Variants in CNP observed in about 807,000 individuals in gnomAD.
CNP encodes 2',3'-cyclic-nucleotide 3'-phosphodiesterase.
Under a neutral mutation model 37.9 loss-of-function variants are expected in CNP, and 8 were observed. The observed-to-expected ratio is 0.21, with a 90% CI of 0.12 to 0.38. The LOEUF is 0.38. CNP is among the 10% of genes least tolerant of loss of function. The pLI is 1.00. For synonymous variants in CNP, 237 were observed against 238.3 expected, an observed-to-expected ratio of 0.99 and a Z score of 0.05; for missense variants, 457 against 551.0, an observed-to-expected ratio of 0.83 and a Z score of 1.71.
At chr17:41,967,669 T>TC (rs1265771297) in intron 1 of CNP, 12 of 1,029,020 alleles carry the variant, frequency 1.2e-5, no homozygotes, top group South Asian at 3.9e-5. Context: ...CCTTCTCCAC[T>TC]CCCCCCCTTC....
In CNP at chr17:41,973,812, C is replaced by T. The variant is rs782456858; in HGVS notation, c.1154C>T (p.Ala385Val). 6 of 1,612,026 alleles carry T rather than the reference C, an allele frequency of 3.7e-6. No homozygotes were observed. The highest frequency in any genetic ancestry group is 2.2e-5 in the East Asian group (1 of 44,802). ...LGNGRWMLTL[A>V]KNMEVRAIFT... ...AATGGGCGCTGGATGCTGACCCTGG[C>T]CAAGAACATGGAGGTCAGGGCCATC... The change falls in exon 4 of 4, where the codon GCC becomes GTC. Residue 385 changes from alanine to valine, a missense_variant. This residue lies in a region of CNP where 291 missense variants were observed against 291.7 expected (regional missense o/e 1.00). Transcript: ENST00000393892.
chr17:41,977,697 C>A lies in CNP; in HGVS notation c.*3773C>A. 6.0e-6 allele frequency: 1 copy of A among 167,036 alleles called. No homozygotes were observed. Among genetic ancestry groups the A allele is most frequent in the East Asian group, 1.7e-4 (1 of 5,872 alleles). The allele number at this position is 167,036 out of a possible 1,614,324, so 10.3% of individuals were successfully genotyped here. A position where few individuals can be genotyped will look rare whatever the true frequency, so the allele number is the denominator to read the frequency against. On this transcript the variant is annotated 3_prime_UTR_variant, in exon 4 of 4. Transcript: ENST00000393892. ...GGCTACTAAAAAGGATAAAATGTATCACTTAAATGTTACCAAAAATAAATA... is the reference window on the plus strand; with the variant it reads ...GGCTACTAAAAAGGATAAAATGTATAACTTAAATGTTACCAAAAATAAATA...
chr17:41,972,343 C>T (rs2051002428), intron 3 of CNP, among the ~76,000 whole-genome samples: 1 of 152,070 alleles, frequency 6.6e-6, no homozygotes, highest in South Asian at 2.1e-4. Flanking sequence ...TCTCTCTGAG[C>T]CTGTTTTACC....
In CNP at chr17:41,975,445, C is replaced by G. The variant is rs143266495; in HGVS notation, c.*1521C>G. 12 of 152,774 alleles carry G rather than the reference C, an allele frequency of 7.9e-5. No individual in the cohort carries two copies. The highest frequency in any genetic ancestry group is 2.9e-4 in the African/African-American group (12 of 41,564). The allele number at this position is 152,774 out of a possible 1,614,324, so 9.5% of individuals were successfully genotyped here. On this transcript the variant is annotated 3_prime_UTR_variant, in exon 4 of 4. Transcript: ENST00000393892. The stretch of plus-strand genomic sequence containing the variant: ...CAAAAGCCTCTCATCCCCCATTAAC[C>G]AGGGCACCAAGCCCACAGGTGTCCC...
chr17:41,976,908 G>GA lies in CNP; in HGVS notation c.*2984_*2985insA. ...AACTCTATGGGTATCAAACAGCTCA[G>GA]GCTGTTTTTGGGTGCAAGAGGGAGC... On this transcript the variant is annotated 3_prime_UTR_variant, in exon 4 of 4. Transcript: ENST00000393892. The GA allele has an allele frequency of 1.8e-6, 2 of 1,111,776 alleles. No individual in the cohort carries two copies. Among genetic ancestry groups the GA allele is most frequent in the Non-Finnish European group, 2.5e-6 (2 of 788,044 alleles). 68.9% of individuals were successfully genotyped at this position (1,111,776 alleles called of 1,614,324 possible).
Position 41,966,799 on chromosome 17 carries a change from C to T in CNP, c.-86C>T, listed in dbSNP as rs1241361450. On this transcript the variant is annotated 5_prime_UTR_variant, in exon 1 of 4. Coordinates refer to ENST00000393892, the MANE Select transcript of CNP (RefSeq NM_033133.5). ...CGGCCGGGCTCGGGTCGTGCCACCG[C>T]TGGACTCCCGTGTCCCTCCGCGCAG... 3.0e-6 allele frequency: 4 copies of T among 1,352,788 alleles called. No homozygotes were observed. Among genetic ancestry groups the T allele is most frequent in the Non-Finnish European group, 3.8e-6 (4 of 1,052,224 alleles). 83.8% of individuals were successfully genotyped at this position (1,352,788 alleles called of 1,614,324 possible). A position where few individuals can be genotyped will look rare whatever the true frequency, so the allele number is the denominator to read the frequency against.
rs782506550 is a variant in CNP at position 41,976,779 on chromosome 17, G to GA, written c.*2859dup. 13 of 1,609,708 alleles carry GA rather than the reference G, an allele frequency of 8.1e-6. No homozygotes were observed. Among genetic ancestry groups the GA allele is most frequent in the Non-Finnish European group, 1.1e-5 (13 of 1,179,084 alleles). On this transcript the variant is annotated 3_prime_UTR_variant, in exon 4 of 4. Transcript: ENST00000393892. ...ATTCCCTGGACCAGATGCTGAAAGA[G>GA]AAAAGAGGGGTTGGTAGTTGGCTAT...
Position 41,968,869 on chromosome 17 carries a change from G to C in CNP, c.676+129G>C. On this transcript the variant is annotated intron_variant, in intron 2 of 3. Transcript: ENST00000393892. The surrounding 1 kb of genome is among the most constrained non-coding windows in gnomAD (Gnocchi z 4.8). ...AGGCAGAGAGAGGCTCACCTCAGCGGGGGCAGGGGCAAGCGGTGCGTCCCA... is the reference window on the plus strand; with the variant it reads ...AGGCAGAGAGAGGCTCACCTCAGCGCGGGCAGGGGCAAGCGGTGCGTCCCA... 1.8e-6 allele frequency: 2 copies of C among 1,110,688 alleles called. No homozygotes were observed. The highest frequency in any genetic ancestry group is 5.7e-5 in the Admixed American group (2 of 35,172). 68.8% of individuals were successfully genotyped at this position (1,110,688 alleles called of 1,614,324 possible).
intron 1 of CNP, 98 bp from the exon 2 acceptor site, chr17:41,967,970 C>T: frequency 1.3e-6 from 2 of 1,522,340 alleles, no homozygotes; most frequent in Non-Finnish European, 1.8e-6. Context: ...CACTGCCCCG[C>T]TTGGGAAGGC....
At position 41,966,837 on chromosome 17, in the gene CNP, G is replaced by T; in HGVS notation, c.-48G>T. The T allele has an allele frequency of 7.3e-7, 1 of 1,376,090 alleles. No individual in the cohort carries two copies. Among genetic ancestry groups the T allele is most frequent in the Non-Finnish European group, 9.4e-7 (1 of 1,066,438 alleles). The allele number at this position is 1,376,090 out of a possible 1,614,324, so 85.2% of individuals were successfully genotyped here. On this transcript the variant is annotated 5_prime_UTR_variant, in exon 1 of 4. Coordinates refer to ENST00000393892, the MANE Select transcript of CNP (RefSeq NM_033133.5). ...TCCCTCCGCGCAGGCGGGCGGCCCCGGAGCGCTGGTGCCGGCAGAGGCGGC... is the reference window on the plus strand; with the variant it reads ...TCCCTCCGCGCAGGCGGGCGGCCCCTGAGCGCTGGTGCCGGCAGAGGCGGC...
rs2229932 is a variant in CNP at position 41,973,951 on chromosome 17, A to G, written c.*27A>G. On this transcript the variant is annotated 3_prime_UTR_variant, in exon 4 of 4. Coordinates refer to ENST00000393892, the MANE Select transcript of CNP (RefSeq NM_033133.5). ...TGTTCTCACCACCACTTATGCCCCT[A>G]GAAGGGAAGGGGAGAGGGAAACGTG... 3,702 of 1,443,542 alleles carry G rather than the reference A, an allele frequency of 2.6e-3. 87 individuals are homozygous for G. The African/African-American group carries it at 0.048, about 19-fold the overall frequency. 89.4% of individuals were successfully genotyped at this position (1,443,542 alleles called of 1,614,324 possible). A position where few individuals can be genotyped will look rare whatever the true frequency, so the allele number is the denominator to read the frequency against.
chr17:41,967,891 C>G, intron 1 of CNP, 177 bp from the exon 2 acceptor site: 1 of 1,431,328 alleles, frequency 7.0e-7, no homozygotes, highest in Non-Finnish European at 9.1e-7. Context: ...TTCAGACAAG[C>G]TTCCCTCTTC....
At chr17:41,970,769 G>A (rs2050975088) in intron 2 of CNP, 1 of 152,210 alleles carries the variant, frequency 6.6e-6, no homozygotes, top group Non-Finnish European at 1.5e-5. Context: ...TCTCAGGAGA[G>A]GCCTTCCTCC....
Position 41,973,676 on chromosome 17 carries a change from G to C in CNP, c.1018G>C (p.Glu340Gln). 1 of 1,613,988 alleles carries C rather than the reference G, an allele frequency of 6.2e-7. No homozygotes were observed. Among genetic ancestry groups the C allele is most frequent in the Non-Finnish European group, 8.5e-7 (1 of 1,179,984 alleles). The change falls in exon 4 of 4, where the codon GAG (glutamate) becomes CAG (glutamine). Residue 340 changes from glutamate (E) to glutamine (Q), a missense_variant. Glu to Gln is a conservative substitution (Grantham distance 29). Around this residue, in one of 2 missense-constraint regions of CNP, gnomAD observed 291 missense variants for 291.7 expected, o/e 1.00. Transcript: ENST00000393892. ...CACCCTCGGCTGTGCAGCTGACGTA[G>C]AGGCCGTGCAGACGGGCCTTGACCT... ...HITLGCAADV[E>Q]AVQTGLDLLE...
intron 2 of CNP, chr17:41,971,167 A>G (rs781838236): frequency 6.6e-6 from 1 of 152,230 alleles, no homozygotes; most frequent in Admixed American, 6.5e-5. Flanking sequence ...TGGCTGGTAC[A>G]TGGCAGAGCT....
Position 41,966,812 on chromosome 17 carries a change from TC to T in CNP, c.-70del. On this transcript the variant is annotated 5_prime_UTR_variant, in exon 1 of 4. Transcript: ENST00000393892. ...GTCGTGCCACCGCTGGACTCCCGTG[TC>T]CCTCCGCGCAGGCGGGCGGCCCCGG... 7.2e-7 allele frequency: 1 copy of T among 1,382,272 alleles called. No homozygotes were observed. The highest frequency in any genetic ancestry group is 9.4e-7 in the Non-Finnish European group (1 of 1,068,720). The allele number at this position is 1,382,272 out of a possible 1,614,324, so 85.6% of individuals were successfully genotyped here.
In CNP at chr17:41,966,826, CGGGCGGCCCCGGAGCGCTGGT is replaced by C. The variant is rs1361933355; in HGVS notation, c.-57_-37del. The stretch of plus-strand genomic sequence containing the variant: ...GGACTCCCGTGTCCCTCCGCGCAGG[CGGGCGGCCCCGGAGCGCTGGT>C]GCCGGCAGAGGCGGCGACGGTGGCG... On this transcript the variant is annotated 5_prime_UTR_variant, in exon 1 of 4. Transcript: ENST00000393892. The C allele has an allele frequency of 4.4e-6, 6 of 1,376,778 alleles. No homozygotes were observed. Among genetic ancestry groups the C allele is most frequent in the Middle Eastern group, 2.6e-4 (1 of 3,786 alleles). 85.3% of individuals were successfully genotyped at this position (1,376,778 alleles called of 1,614,324 possible). A position where few individuals can be genotyped will look rare whatever the true frequency, so the allele number is the denominator to read the frequency against.
At position 41,971,777 on chromosome 17, in the gene CNP, T is replaced by C. The variant is rs1215856546; in HGVS notation, c.677-115T>C. ...CAATGAATGAGCTGTAGTGGGTTGC[T>C]GGAGAGGTGATGCTTAGTGTCCGAG... On this transcript the variant is annotated intron_variant, in intron 2 of 3. Transcript: ENST00000393892. The C allele has an allele frequency of 2.9e-6, 4 of 1,372,254 alleles. No homozygotes were observed. In the African/African-American group the frequency reaches 5.8e-5, roughly 20 times the overall value. The allele number at this position is 1,372,254 out of a possible 1,614,324, so 85.0% of individuals were successfully genotyped here.
rs1315179189 is a variant in CNP at position 41,974,611 on chromosome 17, A to C, written c.*687A>C. The C allele has an allele frequency of 6.6e-6, 1 of 152,214 alleles. No homozygotes were observed. Among genetic ancestry groups the C allele is most frequent in the African/African-American group, 2.4e-5 (1 of 41,402 alleles). 9.4% of individuals were successfully genotyped at this position (152,214 alleles called of 1,614,324 possible). On this transcript the variant is annotated 3_prime_UTR_variant, in exon 4 of 4. Coordinates refer to ENST00000393892, the MANE Select transcript of CNP (RefSeq NM_033133.5). ...TTTACCAGGGTAGAAAAAGGAGCTTACCTCCCACCTTTGGTCCTAAGTCCC... is the reference window on the plus strand; with the variant it reads ...TTTACCAGGGTAGAAAAAGGAGCTTCCCTCCCACCTTTGGTCCTAAGTCCC...
Sources: gnomAD v4.1 joint callset for allele counts (sites outside exome capture counted in the v4.1 genomes callset) on GRCh38, gnomAD v4.1.1 for gene constraint, gnomAD v4.1.1 regional missense constraint, Gnocchi (gnomAD v3.1) non-coding constraint, MANE v1.5 for transcripts, NCBI Gene and HGNC (gene_info 2026-07-23, HGNC 2026-07-21) for gene names.